Variants in COL4A6 observed in about 807,000 individuals in gnomAD.
The protein encoded by COL4A6 is collagen type IV alpha 6 chain, also known as collagen alpha-6(IV) chain.
In COL4A6, 59 loss-of-function variants were observed where a neutral mutation model predicts 126.7. The ratio of observed to expected loss-of-function variants is 0.47; its 90% CI spans 0.38 to 0.58. COL4A6 has a LOEUF of 0.58. Ranked by LOEUF, COL4A6 falls within the 20% of genes least tolerant of loss-of-function variation. The pLI is 0.00. For missense variants in COL4A6, 1,285 were observed against 1,337.3 expected (o/e 0.96, Z 0.61); for synonymous variants, 547 against 496.6 (o/e 1.10, Z -1.35).
chrX:108,245,468 G>A (rs929117369), intron 3 of COL4A6, among the ~76,000 whole-genome samples: 2 of 111,852 alleles, frequency 1.8e-5, no homozygotes, highest in East Asian at 5.6e-4. Flanking sequence ...AAGCTGTGAC[G>A]TATTGGCAAG....
At chrX:108,354,802 A>C (rs2039923342) in intron 2 of COL4A6, among the ~76,000 whole-genome samples, 1 of 110,514 alleles carries the variant, frequency 9.0e-6, no homozygotes, top group Admixed American at 9.7e-5. Flanking sequence ...CAGGGAACCC[A>C]CCTTGAAGTC....
At chrX:108,287,825 C>A (rs1469071274) in intron 3 of COL4A6, among the ~76,000 whole-genome samples, 2 of 111,984 alleles carry the variant, frequency 1.8e-5, no homozygotes, top group Non-Finnish European at 3.8e-5. Flanking sequence ...CCAGCTGCAT[C>A]TCCTCATCTA....
intron 3 of COL4A6, among the ~76,000 whole-genome samples, chrX:108,276,492 A>G (rs1362580244): frequency 2.7e-5 from 3 of 112,739 alleles, no homozygotes; most frequent in Non-Finnish European, 3.7e-5. Flanking sequence ...CCATTTATTT[A>G]GCACCTACTA....
At chrX:108,351,126 T>C (rs751249030) in intron 2 of COL4A6, among the ~76,000 whole-genome samples, 1 of 111,589 alleles carries the variant, frequency 9.0e-6, no homozygotes, top group Non-Finnish European at 1.9e-5. Flanking sequence ...GCCTGGACTT[T>C]GCTTCATTTC....
chrX:108,321,949 G>C (rs1192777824), intron 2 of COL4A6, among the ~76,000 whole-genome samples: 1 of 111,107 alleles, frequency 9.0e-6, no homozygotes, highest in Non-Finnish European at 1.9e-5. Flanking sequence ...TGCTTCAAGG[G>C]GTTAGTTTGC....
intron 3 of COL4A6, among the ~76,000 whole-genome samples, chrX:108,255,047 C>G (rs113188856): frequency 1.2e-3 from 133 of 109,047 alleles, no homozygotes; most frequent in African/African-American, 4.0e-3. Flanking sequence ...TGTATAAACT[C>G]TTCTCTAGAT....
Position 108,159,803 on chromosome X carries a change from C to T in COL4A6, c.4526-55G>A, listed in dbSNP as rs1417841957. ...GGGAGGTCTGGCTGAGGGGCTTTGA[C>T]GAGATGGTGGTTTGGGTTTACATCC... is the stretch of plus-strand genomic sequence containing the variant. On this transcript the variant is annotated intron_variant, in intron 43 of 44. Transcript: ENST00000334504. 18 of 1,176,708 alleles carry T rather than the reference C, an allele frequency of 1.5e-5. No individual in the cohort carries two copies. The Admixed American group carries it at 2.2e-4, about 14-fold the overall frequency.
chrX:108,351,434 CTCTCTCTCTGTGTGTGTG>C (rs1430186976), intron 2 of COL4A6, among the ~76,000 whole-genome samples: 1 of 83,531 alleles, frequency 1.2e-5, no homozygotes, highest in African/African-American at 5.2e-5. Context: ...GGAGGTAACT[CTCTCTCTCTGTGTGTGTG>C]TGTGTGTGTG....
chrX:108,300,724 CGT>C (rs58203884), intron 3 of COL4A6, among the ~76,000 whole-genome samples: 299 of 91,863 alleles, frequency 3.3e-3, no homozygotes, highest in Non-Finnish European at 4.5e-3. Context: ...CAAACATTGG[CGT>C]GTGTGTGTGT....
chrX:108,237,540 G>A (rs770220375), intron 3 of COL4A6, among the ~76,000 whole-genome samples: 43 of 111,746 alleles, frequency 3.8e-4, no homozygotes, highest in Non-Finnish European at 7.1e-4. Context: ...TCAAAGCTCA[G>A]CTCAAATCTG....
At chrX:108,298,250 C>T (rs1170398413) in intron 3 of COL4A6, among the ~76,000 whole-genome samples, 1 of 112,204 alleles carries the variant, frequency 8.9e-6, no homozygotes, top group Non-Finnish European at 1.9e-5. Context: ...GTGCAAAGTT[C>T]CCAGGCTGCG....
At chrX:108,336,524 A>G (rs2039435680) in intron 2 of COL4A6, among the ~76,000 whole-genome samples, 1 of 111,220 alleles carries the variant, frequency 9.0e-6, no homozygotes, top group East Asian at 2.8e-4. Context: ...CAGGGTTCCC[A>G]TTTGGGGTGG....
In COL4A6 at chrX:108,377,459, G is replaced by A. The variant is rs1166649397; in HGVS notation, c.63+60483C>T. Among the ~76,000 whole-genome samples, 15 of 107,811 alleles carry A rather than the reference G, an allele frequency of 1.4e-4. No individual in the cohort carries two copies. The Admixed American group carries it at 1.5e-3, about 11-fold the overall frequency. The allele number at this position is 107,811 out of a possible 115,157, so 93.6% of individuals were successfully genotyped here. A position where few individuals can be genotyped will look rare whatever the true frequency, so the allele number is the denominator to read the frequency against. ...ATTTAAAAGTAAAAGTTTATTGACA[G>A]TCTATAATCTTCTGTTCTCCAATAA... On this transcript the variant is annotated intron_variant, in intron 2 of 44. Coordinates refer to ENST00000334504, the MANE Select transcript of COL4A6 (RefSeq NM_033641.4).
chrX:108,214,331 C>T, intron 5 of COL4A6, 103 bp from the exon 6 acceptor site: 2 of 541,050 alleles, frequency 3.7e-6, no homozygotes, highest in South Asian at 6.0e-5. Flanking sequence ...AACTGTGGCT[C>T]CTTGTTCACT....
At chrX:108,264,234 T>C (rs1308548001) in intron 3 of COL4A6, among the ~76,000 whole-genome samples, 7 of 111,502 alleles carry the variant, frequency 6.3e-5, no homozygotes, top group Non-Finnish European at 9.5e-5. Flanking sequence ...CTGTTAAAAG[T>C]AGAAAGCTTT....
At chrX:108,331,411 C>A (rs2039297106) in intron 2 of COL4A6, among the ~76,000 whole-genome samples, 1 of 111,977 alleles carries the variant, frequency 8.9e-6, no homozygotes, top group Non-Finnish European at 1.9e-5. Context: ...TAGCCTATTG[C>A]TCTTAGGATA....
intron 2 of COL4A6, among the ~76,000 whole-genome samples, chrX:108,430,623 T>A: frequency 9.0e-6 from 1 of 111,638 alleles, no homozygotes; most frequent in East Asian, 2.8e-4. Flanking sequence ...AGAATATGAA[T>A]GGAAAAGCCA....
intron 31 of COL4A6, among the ~76,000 whole-genome samples, chrX:108,173,358 G>C (rs1307955356): frequency 1.8e-5 from 2 of 112,023 alleles, no homozygotes; most frequent in Non-Finnish European, 3.8e-5. Flanking sequence ...CTCTGTTCAT[G>C]CTGGGACTTC....
Position 108,231,285 on chromosome X carries a change from C to T in COL4A6, c.145-9911G>A, listed in dbSNP as rs961495575. On this transcript the variant is annotated intron_variant, in intron 3 of 44. Transcript: ENST00000334504. ...GCCCAGGCATGAAGACATGCATCTA[C>T]ACGTTTTGTTTTCAAAGATACATAC... Among the ~76,000 whole-genome samples, 3 of 111,895 alleles carry T rather than the reference C, an allele frequency of 2.7e-5. No homozygotes were observed. The Admixed American group carries it at 2.8e-4, about 11-fold the overall frequency.
Sources: gnomAD v4.1 joint callset for allele counts (sites outside exome capture counted in the v4.1 genomes callset) on GRCh38, gnomAD v4.1.1 for gene constraint, MANE v1.5 for transcripts, NCBI Gene and HGNC (gene_info 2026-07-23, HGNC 2026-07-21) for gene names.